Variants in MIS18A observed in about 807,000 individuals in gnomAD.
MIS18A encodes protein Mis18-alpha.
Under a neutral mutation model 25.0 loss-of-function variants are expected in MIS18A, and 14 were observed. That is an observed-to-expected ratio of 0.56 (90% confidence interval 0.37 to 0.88). The LOEUF (loss-of-function observed/expected upper bound fraction) is 0.88. Ranked by LOEUF, MIS18A falls within the 40% of genes least tolerant of loss-of-function variation. The pLI, the probability that MIS18A is intolerant of heterozygous loss-of-function variation, is 0.00. For synonymous variants in MIS18A, 134 were observed against 118.6 expected, an observed-to-expected ratio of 1.13 and a Z score of -0.84; for missense variants, 292 against 290.8, an observed-to-expected ratio of 1.00 and a Z score of -0.03.
chr21:32,273,001 T>C (rs548259631), intron 2 of MIS18A, among the ~76,000 whole-genome samples: 7 of 152,318 alleles, frequency 4.6e-5, no homozygotes, highest in Non-Finnish European at 8.8e-5. Flanking sequence ...TGAGAAATGA[T>C]CTGAGGTGGG....
intron 2 of MIS18A, among the ~76,000 whole-genome samples, chr21:32,273,579 G>T (rs2031753248): frequency 6.6e-6 from 1 of 152,112 alleles, no homozygotes; most frequent in Non-Finnish European, 1.5e-5. Context: ...CATCACTCAA[G>T]AAATCGAAAG....
At chr21:32,171,162 A>AT in the MIS18A span, among the ~76,000 whole-genome samples, 1 of 152,010 alleles carries the variant, frequency 6.6e-6, no homozygotes. Context: ...ATGAAATAAA[A>AT]TGTATCCAGA....
the MIS18A span, among the ~76,000 whole-genome samples, chr21:32,203,613 C>CTTTTTTTT: frequency 8.8e-4 from 75 of 85,376 alleles, 1 homozygote; most frequent in African/African-American, 1.1e-3. Context: ...TTTTTAAATG[C>CTTTTTTTT]TTTTTTTTTT....
chr21:32,193,629 T>C, the MIS18A span, among the ~76,000 whole-genome samples: 1 of 152,198 alleles, frequency 6.6e-6, no homozygotes, highest in African/African-American at 2.4e-5. Context: ...TGTTTCATTT[T>C]TGCCCTCAAT....
intron 4 of MIS18A, among the ~76,000 whole-genome samples, chr21:32,269,366 C>G (rs2031671011): frequency 2.0e-5 from 3 of 152,212 alleles, no homozygotes; most frequent in Admixed American, 6.5e-5. Flanking sequence ...TCTCACCTAT[C>G]TGGCAATGAG....
the MIS18A span, among the ~76,000 whole-genome samples, chr21:32,232,748 G>A: frequency 6.6e-5 from 10 of 152,136 alleles, no homozygotes; most frequent in Admixed American, 6.5e-4. Flanking sequence ...CAGGAAGGTG[G>A]AAGGAGAGGG....
At chr21:32,237,830 G>C in the MIS18A span, among the ~76,000 whole-genome samples, 1 of 151,996 alleles carries the variant, frequency 6.6e-6, no homozygotes, top group Non-Finnish European at 1.5e-5. Flanking sequence ...CTGTGAGTAG[G>C]GGAGGAACCA....
the MIS18A span, among the ~76,000 whole-genome samples, chr21:32,176,606 G>A: frequency 2.6e-5 from 4 of 152,054 alleles, no homozygotes; most frequent in Non-Finnish European, 4.4e-5. Context: ...AAAAGTGTAC[G>A]TATTAGAAAA....
chr21:32,267,847 G>A (rs1376748880), downstream of MIS18A, among the ~76,000 whole-genome samples: 1 of 152,206 alleles, frequency 6.6e-6, no homozygotes, highest in Non-Finnish European at 1.5e-5. Context: ...TCTGTTAGTG[G>A]GAGAGTAGCC....
the MIS18A span, among the ~76,000 whole-genome samples, chr21:32,244,721 A>G: frequency 6.6e-6 from 1 of 152,222 alleles, no homozygotes; most frequent in African/African-American, 2.4e-5. Flanking sequence ...TGGGCAACAG[A>G]GATCCTGTCT....
the MIS18A span, among the ~76,000 whole-genome samples, chr21:32,175,968 T>G: frequency 2.0e-5 from 3 of 152,296 alleles, no homozygotes; most frequent in East Asian, 5.8e-4. Context: ...AGCCTAGGCC[T>G]ACACAGAGTA....
At chr21:32,164,675 A>G in the MIS18A span, among the ~76,000 whole-genome samples, 46,285 of 150,920 alleles carry the variant, frequency 0.31, 7,361 homozygotes, top group Admixed American at 0.33. Context: ...AAAAAGACCA[A>G]TAATAGCAGT....
the MIS18A span, among the ~76,000 whole-genome samples, chr21:32,244,344 T>A: frequency 2.6e-5 from 4 of 152,254 alleles, no homozygotes; most frequent in African/African-American, 9.6e-5. Context: ...GTGAGGTGGT[T>A]ACATGAGGGT....
the MIS18A span, among the ~76,000 whole-genome samples, chr21:32,193,522 G>GATA: frequency 7.0e-5 from 7 of 100,100 alleles, no homozygotes; most frequent in African/African-American, 1.9e-4. Flanking sequence ...ATAGATAGAT[G>GATA]GATAGATCGA....
At chr21:32,198,022 C>T in the MIS18A span, among the ~76,000 whole-genome samples, 8 of 152,230 alleles carry the variant, frequency 5.3e-5, no homozygotes, top group Non-Finnish European at 8.8e-5. Context: ...CAAGCATTAT[C>T]TAATAGCAAA....
chr21:32,278,970 G>A lies in MIS18A; in HGVS notation c.45C>T (p.Gly15=), dbSNP rs1441564293. The change falls in exon 1 of 5, where the codon GGC becomes GGT. Residue 15 remains glycine (G), a synonymous_variant. Transcript: ENST00000290130. ...TGCCCTTGTCGCCGCACTCACAGCCGCCAGCGCATCCTCTGCTACACCTCA... is the reference window on the plus strand; with the variant it reads ...TGCCCTTGTCGCCGCACTCACAGCCACCAGCGCATCCTCTGCTACACCTCA... ...RSLRCSRGCA[G]GCECGDKGKC... The A allele has an allele frequency of 1.2e-5, 19 of 1,611,560 alleles. No individual in the cohort carries two copies. The highest frequency in any genetic ancestry group is 1.6e-5 in the Non-Finnish European group (19 of 1,179,884).
chr21:32,265,190 T>C (rs920953704), downstream of MIS18A, among the ~76,000 whole-genome samples: 1 of 152,182 alleles, frequency 6.6e-6, no homozygotes, highest in African/African-American at 2.4e-5. Flanking sequence ...AGCCCTCGCT[T>C]GCTCTCGGCA....
the MIS18A span, among the ~76,000 whole-genome samples, chr21:32,206,601 A>G: frequency 6.6e-6 from 1 of 152,188 alleles, no homozygotes; most frequent in African/African-American, 2.4e-5. Flanking sequence ...ACATGGTTGT[A>G]ATAATGTAAA....
At chr21:32,205,251 C>T in the MIS18A span, among the ~76,000 whole-genome samples, 1 of 151,848 alleles carries the variant, frequency 6.6e-6, no homozygotes, top group African/African-American at 2.4e-5. Flanking sequence ...ACTACAGGCG[C>T]CTGCCACCAC....
Sources: allele counts gnomAD v4.1 joint callset (sites outside exome capture counted in the v4.1 genomes callset), GRCh38; gene constraint gnomAD v4.1.1; transcripts MANE v1.5; gene names NCBI Gene and HGNC (gene_info 2026-07-23, HGNC 2026-07-21).